Variants in COL4A5 observed in about 807,000 individuals in gnomAD.
COL4A5 encodes collagen alpha-5(IV) chain.
A neutral mutation model predicts 130.2 loss-of-function variants in COL4A5; 26 were observed. The ratio of observed to expected loss-of-function variants is 0.20; its 90% CI spans 0.15 to 0.28. The LOEUF (loss-of-function observed/expected upper bound fraction) is 0.28. Ranked by LOEUF, COL4A5 falls within the 10% of genes least tolerant of loss-of-function variation. The pLI, the probability that COL4A5 is intolerant of heterozygous loss-of-function variation, is 1.00. For synonymous variants in COL4A5, 496 were observed against 439.6 expected, an observed-to-expected ratio of 1.13 and a Z score of -1.60; for missense variants, 1,131 against 1,344.3, an observed-to-expected ratio of 0.84 and a Z score of 2.48.
chrX:108,469,263 C>T (rs1255189518), intron 1 of COL4A5, among the ~76,000 whole-genome samples: 2 of 105,009 alleles, frequency 1.9e-5, no homozygotes, highest in African/African-American at 3.5e-5. Context: ...CTCAGTCTCC[C>T]GAGTAGCTGG....
At chrX:108,459,031 G>A (rs1335116260) in intron 1 of COL4A5, among the ~76,000 whole-genome samples, 1 of 111,413 alleles carries the variant, frequency 9.0e-6, no homozygotes, top group South Asian at 3.8e-4. Flanking sequence ...TCAGTGTGCA[G>A]GTCTTATATG....
intron 4 of COL4A5, 152 bp from the exon 5 acceptor site, chrX:108,568,477 C>T: frequency 2.1e-6 from 1 of 468,922 alleles, no homozygotes; most frequent in Non-Finnish European, 3.7e-6. Context: ...AGATTTTTCT[C>T]TAATGTTTCA....
At chrX:108,482,703 T>C (rs1267193929) in intron 1 of COL4A5, among the ~76,000 whole-genome samples, 1 of 111,627 alleles carries the variant, frequency 9.0e-6, no homozygotes, top group Non-Finnish European at 1.9e-5. Context: ...AGAGCTTGTG[T>C]ATGTTTTTCC....
At chrX:108,500,102 A>G (rs984450545) in intron 1 of COL4A5, among the ~76,000 whole-genome samples, 1 of 112,115 alleles carries the variant, frequency 8.9e-6, no homozygotes, top group African/African-American at 3.2e-5. Context: ...TTACTCTATA[A>G]TTAGAAAGTA....
rs756171624 is a variant in COL4A5, at chrX:108,590,448, T to C, written c.1166-610T>C. ...TAAATAGAGAAATAAATTTAATTAT[T>C]ACTTGATGTGAAAAACCAATATAAT... On this transcript the variant is annotated intron_variant, in intron 19 of 52. Coordinates refer to ENST00000328300, the MANE Select transcript of COL4A5 (RefSeq NM_033380.3). Among the ~76,000 whole-genome samples, 9 of 111,815 alleles carry C rather than the reference T, an allele frequency of 8.0e-5. No individual in the cohort carries two copies. In the South Asian group the frequency reaches 3.3e-3, roughly 41 times the overall value.
At position 108,621,863 on chromosome X, in the gene COL4A5, C is replaced by T; in HGVS notation, c.2738C>T (p.Pro913Leu). 1 of 1,208,206 alleles carries T rather than the reference C, an allele frequency of 8.3e-7. No individual in the cohort carries two copies. Among genetic ancestry groups the T allele is most frequent in the Non-Finnish European group, 1.1e-6 (1 of 892,483 alleles). ...PPGPPGPLGI[P>L]GRSGVPGLKG... ...GGCCCACCAGGACCTTTGGGAATTC[C>T]TGGCAGGAGTGGTGTACCTGGTCTT... The change falls in exon 32 of 53, where the codon CCT becomes CTT. Residue 913 changes from proline (P) to leucine (L), a missense_variant. Coordinates refer to ENST00000328300, the MANE Select transcript of COL4A5 (RefSeq NM_033380.3).
intron 29 of COL4A5, among the ~76,000 whole-genome samples, chrX:108,610,991 A>G (rs1256367719): frequency 9.0e-6 from 1 of 111,097 alleles, no homozygotes; most frequent in African/African-American, 3.3e-5. Flanking sequence ...CTCAATGGGA[A>G]CTTCTATGAA....
At chrX:108,493,901 T>C (rs2065013526) in intron 1 of COL4A5, among the ~76,000 whole-genome samples, 1 of 110,873 alleles carries the variant, frequency 9.0e-6, no homozygotes, top group Non-Finnish European at 1.9e-5. Context: ...GTATATCTTA[T>C]TTTGCTCGGA....
intron 3 of COL4A5, among the ~76,000 whole-genome samples, chrX:108,559,660 G>A (rs1376924019): frequency 2.7e-5 from 3 of 112,062 alleles, no homozygotes; most frequent in Admixed American, 1.9e-4. Flanking sequence ...AGCTCAGAAC[G>A]AAAAGCTCCT....
Position 108,508,557 on chromosome X carries a change from CAAAA to C in COL4A5, c.82-31168_82-31165del, listed in dbSNP as rs1182036182. ...AACTAGTTTTAAATTCATGTAGGAC[CAAAA>C]AAAAAAAAAAAAAAAAAAAAGACAA... On this transcript the variant is annotated intron_variant, in intron 1 of 52. Coordinates refer to ENST00000328300, the MANE Select transcript of COL4A5 (RefSeq NM_033380.3). Among the ~76,000 whole-genome samples, 317 of 38,169 alleles carry C rather than the reference CAAAA, an allele frequency of 8.3e-3. 1 individual carries two copies. Among genetic ancestry groups the C allele is most frequent in the East Asian group, 0.051 (65 of 1,275 alleles). The allele number at this position is 38,169 out of a possible 115,157, so 33.1% of individuals were successfully genotyped here.
At chrX:108,443,496 C>T (rs1357192790) in intron 1 of COL4A5, among the ~76,000 whole-genome samples, 1 of 111,687 alleles carries the variant, frequency 9.0e-6, no homozygotes, top group African/African-American at 3.3e-5. Context: ...ACTTAACATG[C>T]TTAATTTAGT....
At chrX:108,457,668 C>G (rs189394525) in intron 1 of COL4A5, among the ~76,000 whole-genome samples, 1 of 111,500 alleles carries the variant, frequency 9.0e-6, no homozygotes, top group Non-Finnish European at 1.9e-5. Context: ...TAACTACTGC[C>G]GTAATCAAGA....
intron 1 of COL4A5, among the ~76,000 whole-genome samples, chrX:108,529,622 T>A (rs752744515): frequency 9.2e-4 from 103 of 111,364 alleles, no homozygotes; most frequent in African/African-American, 3.1e-3. Flanking sequence ...AATGAATTTT[T>A]AAAAAAACAT....
intron 37 of COL4A5, among the ~76,000 whole-genome samples, chrX:108,656,244 A>G (rs1259676554): frequency 8.9e-6 from 1 of 111,877 alleles, no homozygotes; most frequent in African/African-American, 3.2e-5. Flanking sequence ...TGAAATTCAT[A>G]TAAATGAAAT....
At chrX:108,468,279 C>T (rs772046254) in intron 1 of COL4A5, among the ~76,000 whole-genome samples, 2 of 110,780 alleles carry the variant, frequency 1.8e-5, no homozygotes, top group South Asian at 3.8e-4. Context: ...GAATGCTCAA[C>T]CTGTATGAAA....
At chrX:108,619,096 ATCTC>A (rs2066988067) in intron 30 of COL4A5, among the ~76,000 whole-genome samples, 1 of 111,343 alleles carries the variant, frequency 9.0e-6, no homozygotes, top group Admixed American at 9.6e-5. Flanking sequence ...TGATATAAAA[ATCTC>A]TCTCTCCTTT....
intron 33 of COL4A5, among the ~76,000 whole-genome samples, 178 bp downstream of exon 33, chrX:108,623,003 T>C (rs1240395162): frequency 1.8e-5 from 2 of 112,504 alleles, no homozygotes; most frequent in Non-Finnish European, 3.8e-5. Context: ...AGTCAACTTT[T>C]GTTTGAGTAT....
At chrX:108,622,939 G>A in intron 33 of COL4A5, 114 bp downstream of exon 33, 1 of 677,397 alleles carries the variant, frequency 1.5e-6, no homozygotes, top group Non-Finnish European at 2.2e-6. Context: ...GCACTTAAAT[G>A]CATCAAATTT....
chrX:108,574,038 A>G (rs944130055), intron 9 of COL4A5, among the ~76,000 whole-genome samples: 2 of 111,936 alleles, frequency 1.8e-5, no homozygotes, highest in Non-Finnish European at 3.8e-5. Context: ...TATGCATAAT[A>G]TATGAACATA....
Sources: allele counts gnomAD v4.1 joint callset (sites outside exome capture counted in the v4.1 genomes callset), GRCh38; gene constraint gnomAD v4.1.1; transcripts MANE v1.5; gene names NCBI Gene and HGNC (gene_info 2026-07-23, HGNC 2026-07-21).